The following CADM1 variants were observed in gnomAD, a reference collection of about 807,000 sequenced individuals.
The protein encoded by CADM1 is TSLC-1.
CADM1 carries 15 observed loss-of-function variants against 53.1 expected under a neutral mutation model. That is an observed-to-expected ratio of 0.28 (90% confidence interval 0.19 to 0.44). The LOEUF (loss-of-function observed/expected upper bound fraction) is 0.44, where lower values mean the gene tolerates loss of function less well. Among genes scored for constraint, CADM1 ranks in the 20% least tolerant of loss-of-function variants. CADM1 has a pLI of 1.00. For synonymous variants in CADM1, 281 were observed against 243.0 expected, an observed-to-expected ratio of 1.16 and a Z score of -1.45; for missense variants, 434 against 611.3, an observed-to-expected ratio of 0.71 and a Z score of 3.06.
rs78505327 is a variant in CADM1 at position 115,342,339 on chromosome 11, T to G, written c.125-101919A>C. ...TACTCTGGCCTGAATCTGTCTTAAG[T>G]AATACACGATGTAGTATCATGTTTC... On this transcript the variant is annotated intron_variant, in intron 1 of 11. Coordinates refer to ENST00000331581, the MANE Select transcript of CADM1 (RefSeq NM_001301043.2). 5.3e-5 allele frequency among the ~76,000 whole-genome samples: 8 copies of G among 152,298 alleles called. No individual in the cohort carries two copies. In the East Asian group the frequency reaches 1.5e-3, roughly 29 times the overall value.
Position 115,504,338 on chromosome 11 carries a change from C to CGCCGCCGCCGCT in CADM1, c.45_56dup (p.Ala17_Ala20dup), listed in dbSNP as rs1041873004. On this transcript the variant is annotated inframe_insertion, in exon 1 of 12. Transcript: ENST00000331581. ...GCCGGAGCCGGAGCCCGGGAGGCGC[C>CGCCGCCGCCGCT]GCCGCCGCCGCTGCCGCCGCACACT... is the stretch of plus-strand genomic sequence containing the variant. The CGCCGCCGCCGCT allele has an allele frequency of 2.1e-5, 33 of 1,549,610 alleles. No individual in the cohort carries two copies. The highest frequency in any genetic ancestry group is 1.8e-4 in the Middle Eastern group (1 of 5,660).
intron 1 of CADM1, among the ~76,000 whole-genome samples, chr11:115,284,085 A>ACTCTCTCTCTCTCTCTCTCTCTCT (rs1449186377): frequency 8.6e-5 from 2 of 23,390 alleles, no homozygotes; most frequent in Admixed American, 5.1e-4. Context: ...ACAAGCCCAG[A>ACTCTCTCTCTCTCTCTCTCTCTCT]CACTCTCTCT....
chr11:115,405,812 G>A (rs1198595197), intron 1 of CADM1, among the ~76,000 whole-genome samples: 1 of 152,036 alleles, frequency 6.6e-6, no homozygotes, highest in Non-Finnish European at 1.5e-5. Context: ...ATGTTCGTAG[G>A]AAGATGACTG....
intron 1 of CADM1, among the ~76,000 whole-genome samples, chr11:115,441,471 A>G (rs17451177): frequency 0.12 from 19,018 of 152,288 alleles, 1,587 homozygotes; most frequent in Non-Finnish European, 0.19. Flanking sequence ...TGGAACTGCA[A>G]AAACACTGAA....
rs189166641 is a variant in CADM1, at chr11:115,357,427, C to A, written c.125-117007G>T. Among the ~76,000 whole-genome samples the A allele has an allele frequency of 2.2e-3, 341 of 152,258 alleles. 2 individuals carry two copies. The highest frequency in any genetic ancestry group is 7.9e-3 in the African/African-American group (329 of 41,544). On this transcript the variant is annotated intron_variant, in intron 1 of 11. Transcript: ENST00000331581. ...TGGGGCTAGGAAGTGAGTCTTATAT[C>A]CTTGAAAATTTCCCTGTCACAGCTT...
At position 115,284,612 on chromosome 11, in the gene CADM1, C is replaced by T. The variant is rs74911811; in HGVS notation, c.125-44192G>A. Among the ~76,000 whole-genome samples, 345 of 152,128 alleles carry T rather than the reference C, an allele frequency of 2.3e-3. 3 individuals carry two copies. Among genetic ancestry groups the T allele is most frequent in the African/African-American group, 8.0e-3 (334 of 41,522 alleles). On this transcript the variant is annotated intron_variant, in intron 1 of 11. Transcript: ENST00000331581. ...TTACATACTGTAACCAAGCACAATT[C>T]CAAATGTCTAGTTCCTCCTTTTCTA...
At chr11:115,410,005 T>C (rs973705630) in intron 1 of CADM1, among the ~76,000 whole-genome samples, 5 of 152,184 alleles carry the variant, frequency 3.3e-5, no homozygotes, top group Non-Finnish European at 7.4e-5. Context: ...CAAATCCAAG[T>C]CAACCTTTAC....
chr11:115,379,238 T>C (rs938119573), intron 1 of CADM1, among the ~76,000 whole-genome samples: 14 of 152,248 alleles, frequency 9.2e-5, no homozygotes, highest in African/African-American at 1.9e-4. Context: ...GCTAAGATTA[T>C]CTGGCTTTGC....
intron 7 of CADM1, 133 bp downstream of exon 7, chr11:115,214,475 G>C: frequency 1.2e-6 from 1 of 840,224 alleles, no homozygotes; most frequent in East Asian, 2.6e-5. Context: ...CCTCAGGCCA[G>C]GCTTCTTTAA....
intron 1 of CADM1, among the ~76,000 whole-genome samples, chr11:115,364,789 A>T (rs908976193): frequency 6.6e-6 from 1 of 152,216 alleles, no homozygotes; most frequent in African/African-American, 2.4e-5. Context: ...AAAGCAATCA[A>T]TTAATATACC....
chr11:115,494,308 AAC>A (rs1949563699), intron 1 of CADM1, among the ~76,000 whole-genome samples: 1 of 152,176 alleles, frequency 6.6e-6, no homozygotes, highest in Non-Finnish European at 1.5e-5. Context: ...AGATGAACCT[AAC>A]ACAGTGTCTG....
intron 1 of CADM1, among the ~76,000 whole-genome samples, chr11:115,347,539 A>G (rs1945612757): frequency 6.6e-6 from 1 of 152,208 alleles, no homozygotes; most frequent in Admixed American, 6.5e-5. Context: ...TTATAAAATT[A>G]AACTTTACCT....
chr11:115,196,623 AC>A (rs1940169077), intron 9 of CADM1, among the ~76,000 whole-genome samples: 3 of 140,136 alleles, frequency 2.1e-5, no homozygotes, highest in Admixed American at 7.5e-5. Flanking sequence ...AAAAAAAATC[AC>A]AAAACAATCT....
chr11:115,454,355 G>A (rs1175328461), intron 1 of CADM1, among the ~76,000 whole-genome samples: 1 of 152,132 alleles, frequency 6.6e-6, no homozygotes, highest in African/African-American at 2.4e-5. Flanking sequence ...TCAAAGCAGA[G>A]GAATTTAAGA....
intron 1 of CADM1, among the ~76,000 whole-genome samples, chr11:115,270,763 T>C (rs1000877133): frequency 3.3e-5 from 5 of 152,268 alleles, no homozygotes; most frequent in African/African-American, 1.2e-4. Flanking sequence ...TCTAAGGTTA[T>C]TAAGCTCGTT....
chr11:115,497,666 G>C (rs929903266), intron 1 of CADM1, among the ~76,000 whole-genome samples: 1 of 152,194 alleles, frequency 6.6e-6, no homozygotes, highest in Non-Finnish European at 1.5e-5. Flanking sequence ...AAACAAGGAG[G>C]TGCCACTTGT....
At chr11:115,312,839 T>C (rs1944566151) in intron 1 of CADM1, among the ~76,000 whole-genome samples, 3 of 152,108 alleles carry the variant, frequency 2.0e-5, no homozygotes, top group Admixed American at 2.0e-4. Flanking sequence ...CTAAAGCCAG[T>C]CTAACCACAG....
intron 1 of CADM1, among the ~76,000 whole-genome samples, chr11:115,472,713 A>G (rs1370184282): frequency 6.6e-6 from 1 of 152,232 alleles, no homozygotes; most frequent in Non-Finnish European, 1.5e-5. Context: ...TCTCACATGC[A>G]CAAACCCTAA....
At position 115,319,259 on chromosome 11, in the gene CADM1, G is replaced by C. The variant is rs183409958; in HGVS notation, c.125-78839C>G. Among the ~76,000 whole-genome samples the C allele has an allele frequency of 2.6e-3, 403 of 152,228 alleles. 3 individuals are homozygous for C. The highest frequency in any genetic ancestry group is 1.4e-3 in the Non-Finnish European group (96 of 68,020). On this transcript the variant is annotated intron_variant, in intron 1 of 11. Transcript: ENST00000331581. Reference sequence around the variant, plus strand: ...TGTTGCGTGGGTTGGAAAAGAAACTGGTTGTGCCAAAAGCAGCTCTTCTTT... The same window carrying C: ...TGTTGCGTGGGTTGGAAAAGAAACTCGTTGTGCCAAAAGCAGCTCTTCTTT...
Sources: allele counts gnomAD v4.1 joint callset (sites outside exome capture counted in the v4.1 genomes callset), GRCh38; gene constraint gnomAD v4.1.1; transcripts MANE v1.5; gene names NCBI Gene and HGNC (gene_info 2026-07-23, HGNC 2026-07-21).